The following RAI2 variants were observed in gnomAD, a reference collection of about 807,000 sequenced individuals.
RAI2 encodes retinoic acid-induced protein 2.
In RAI2, 5 loss-of-function variants were observed where a neutral mutation model predicts 15.3. That is an observed-to-expected ratio of 0.33 (90% CI 0.17 to 0.69). The LOEUF (loss-of-function observed/expected upper bound fraction) is 0.69. Ranked by LOEUF, RAI2 falls within the 30% of genes least tolerant of loss-of-function variation. The pLI is 0.69. For missense variants in RAI2, 424 were observed against 424.7 expected (o/e 1.00, Z 0.01); for synonymous variants, 191 against 184.0 (o/e 1.04, Z -0.31).
chrX:17,801,848 C>A lies in RAI2; in HGVS notation c.163G>T (p.Ala55Ser), dbSNP rs1168803985. The A allele has an allele frequency of 8.3e-7, 1 of 1,208,799 alleles. No individual in the cohort carries two copies. Among genetic ancestry groups the A allele is most frequent in the African/African-American group, 1.8e-5 (1 of 56,702 alleles). ...GCAGGGGGGTTCAGAATGGATGGGG[C>A]TGGCACGGTCACCAGGGCCTTCTTT... The part of the protein sequence containing the change: ...LVKKALVTVP[A>S]PSILNPPAES... The change falls in exon 2 of 2, where the codon GCC becomes TCC. Residue 55 changes from alanine (A) to serine (S), a missense_variant. Physicochemically the swap from Ala to Ser is moderately conservative, Grantham distance 99. Coordinates refer to ENST00000451717, the MANE Select transcript of RAI2 (RefSeq NM_021785.6).
intron 1 of RAI2, among the ~76,000 whole-genome samples, chrX:17,843,875 A>G (rs1475519963): frequency 8.9e-6 from 1 of 112,757 alleles, no homozygotes; most frequent in Non-Finnish European, 1.9e-5. Flanking sequence ...GCTTTCTTCA[A>G]TATTTCATTT....
intron 1 of RAI2, among the ~76,000 whole-genome samples, chrX:17,854,294 C>A (rs773194088): frequency 8.9e-6 from 1 of 111,935 alleles, no homozygotes; most frequent in Non-Finnish European, 1.9e-5. Context: ...GAATTCCACA[C>A]GGCCAAGATA....
intron 1 of RAI2, among the ~76,000 whole-genome samples, chrX:17,816,349 G>A (rs375097574): frequency 5.4e-5 from 6 of 111,835 alleles, no homozygotes; most frequent in Non-Finnish European, 1.1e-4. Context: ...CATGCACAAC[G>A]TTCACTGCAG....
At chrX:17,826,912 T>C (rs926875757) in intron 1 of RAI2, among the ~76,000 whole-genome samples, 1 of 112,573 alleles carries the variant, frequency 8.9e-6, no homozygotes, top group African/African-American at 3.2e-5. Flanking sequence ...TGTGAGTCAA[T>C]GAAATCTCTT....
chrX:17,859,500 A>G (rs1445071526), intron 1 of RAI2, among the ~76,000 whole-genome samples: 2 of 112,608 alleles, frequency 1.8e-5, no homozygotes, highest in African/African-American at 6.5e-5. Context: ...ACAAAAACAA[A>G]GACCCAAATG....
At chrX:17,851,980 T>C (rs1259769888) in intron 1 of RAI2, among the ~76,000 whole-genome samples, 1 of 111,938 alleles carries the variant, frequency 8.9e-6, no homozygotes, top group African/African-American at 3.3e-5. Context: ...ACCACTCAGA[T>C]CTGTCTGTTT....
In RAI2 at chrX:17,826,863, A is replaced by G. The variant is rs112282915; in HGVS notation, c.-24-24829T>C. Reference sequence around the variant, plus strand: ...TTGCTTCCCCCTTGCCTTCCACCATAATTGTAAGTTTCCTGAGACCTCCCC... The same window carrying G: ...TTGCTTCCCCCTTGCCTTCCACCATGATTGTAAGTTTCCTGAGACCTCCCC... On this transcript the variant is annotated intron_variant, in intron 1 of 1. Transcript: ENST00000451717. 9.4e-3 allele frequency among the ~76,000 whole-genome samples: 1,045 copies of G among 111,546 alleles called. 12 individuals carry two copies. The highest frequency in any genetic ancestry group is 0.031 in the African/African-American group (957 of 30,647).
intron 1 of RAI2, among the ~76,000 whole-genome samples, chrX:17,855,209 G>A (rs1016693513): frequency 8.9e-6 from 1 of 111,938 alleles, no homozygotes; most frequent in Non-Finnish European, 1.9e-5. Flanking sequence ...AAATGACAGT[G>A]TGCATTCTCT....
intron 1 of RAI2, among the ~76,000 whole-genome samples, chrX:17,839,457 T>C (rs1454657018): frequency 8.9e-6 from 1 of 112,359 alleles, no homozygotes; most frequent in Non-Finnish European, 1.9e-5. Flanking sequence ...TTTGGGATGC[T>C]GGCGCCTCCT....
At chrX:17,839,693 T>C (rs768204642) in intron 1 of RAI2, among the ~76,000 whole-genome samples, 6 of 112,379 alleles carry the variant, frequency 5.3e-5, no homozygotes, top group African/African-American at 1.9e-4. Context: ...CCCCCAAAGA[T>C]AAATGCACAA....
intron 1 of RAI2, among the ~76,000 whole-genome samples, chrX:17,811,499 A>G (rs2067049764): frequency 8.9e-6 from 1 of 112,695 alleles, no homozygotes; most frequent in Non-Finnish European, 1.9e-5. Flanking sequence ...AAAGAGGAGG[A>G]AAAAACCTGC....
chrX:17,847,666 G>A lies in RAI2; in HGVS notation c.-25+13432C>T, dbSNP rs2067479532. Among the ~76,000 whole-genome samples the A allele has an allele frequency of 2.7e-5, 3 of 113,062 alleles. No individual in the cohort carries two copies. In the South Asian group the frequency reaches 1.1e-3, roughly 41 times the overall value. Reference sequence around the variant, plus strand: ...GTCCTTTGCCCCCAGCCACAGAAGTGGTCAAAAGGAATGAAGGGGAAGGGT... The same window carrying A: ...GTCCTTTGCCCCCAGCCACAGAAGTAGTCAAAAGGAATGAAGGGGAAGGGT... On this transcript the variant is annotated intron_variant, in intron 1 of 1. Transcript: ENST00000451717.
chrX:17,801,641 C>T lies in RAI2; in HGVS notation c.370G>A (p.Val124Met), dbSNP rs778752006. ...MTTQGPVQLPVVLEQHVFQHL... is the reference protein window; with the variant it reads ...MTTQGPVQLPMVLEQHVFQHL... ...TGAAAGACGTGCTGCTCCAGCACCA[C>T]GGGCAGTTGCACGGGGCCCTGGGTG... The change falls in exon 2 of 2, where the codon GTG (valine) becomes ATG (methionine). Residue 124 changes from valine (V) to methionine (M), a missense_variant. Coordinates refer to ENST00000451717, the MANE Select transcript of RAI2 (RefSeq NM_021785.6). 1.2e-5 allele frequency: 14 copies of T among 1,209,973 alleles called. No individual in the cohort carries two copies. The highest frequency in any genetic ancestry group is 3.5e-5 in the South Asian group (2 of 56,762).
intron 1 of RAI2, among the ~76,000 whole-genome samples, chrX:17,833,856 A>T (rs928948595): frequency 6.2e-5 from 7 of 112,112 alleles, no homozygotes; most frequent in African/African-American, 2.3e-4. Context: ...ATGTCATTTA[A>T]CCCTGGGGAA....
chrX:17,802,358 G>A (rs998399518), intron 1 of RAI2, among the ~76,000 whole-genome samples: 4 of 112,342 alleles, frequency 3.6e-5, no homozygotes, highest in South Asian at 3.7e-4. Flanking sequence ...CAACAAAAAC[G>A]AAGTTTCAGT....
intron 1 of RAI2, among the ~76,000 whole-genome samples, chrX:17,812,167 T>C (rs115331656): frequency 0.046 from 5,175 of 111,640 alleles, 293 homozygotes; most frequent in African/African-American, 0.16. Flanking sequence ...CATTGTGCCA[T>C]TGGCATCATT....
chrX:17,802,487 T>C (rs903080830), intron 1 of RAI2, among the ~76,000 whole-genome samples: 6 of 112,619 alleles, frequency 5.3e-5, no homozygotes, highest in African/African-American at 9.7e-5. Context: ...CATGTGAATA[T>C]GCTATGACTA....
intron 1 of RAI2, among the ~76,000 whole-genome samples, chrX:17,802,973 G>A (rs1463214431): frequency 9.0e-6 from 1 of 111,568 alleles, no homozygotes; most frequent in Non-Finnish European, 1.9e-5. Context: ...TCCATATTTG[G>A]CCTCGTTACC....
chrX:17,835,926 AT>A (rs1157225934), intron 1 of RAI2, among the ~76,000 whole-genome samples: 1 of 112,259 alleles, frequency 8.9e-6, no homozygotes, highest in African/African-American at 3.2e-5. Context: ...AATCAAAACT[AT>A]TTAACTTTAT....
Sources: gnomAD v4.1 joint callset for allele counts (sites outside exome capture counted in the v4.1 genomes callset) on GRCh38, gnomAD v4.1.1 for gene constraint, MANE v1.5 for transcripts, NCBI Gene and HGNC (gene_info 2026-07-23, HGNC 2026-07-21) for gene names.